The following EYA1 variants were observed in gnomAD, a reference collection of about 807,000 sequenced individuals.
EYA1 encodes the protein EYA transcriptional coactivator and phosphatase 1.
EYA1 carries 16 observed loss-of-function variants against 82.0 expected under a neutral mutation model. The ratio of observed to expected loss-of-function variants is 0.20; its 90% CI spans 0.13 to 0.30. EYA1 has a LOEUF of 0.30. EYA1 is among the 10% of genes least tolerant of loss of function. EYA1 has a pLI of 1.00. For missense variants in EYA1, 633 were observed against 730.7 expected, an observed-to-expected ratio of 0.87 and a Z score of 1.54; for synonymous variants, 261 against 264.4, an observed-to-expected ratio of 0.99 and a Z score of 0.12.
At chr8:71,393,651 T>C (rs1829413148) in intron 2 of EYA1, among the ~76,000 whole-genome samples, 1 of 152,228 alleles carries the variant, frequency 6.6e-6, no homozygotes, top group Admixed American at 6.5e-5. Flanking sequence ...CTGCATAGTA[T>C]TCCATGGTGT....
chr8:71,506,583 A>G (rs997538526), intron 2 of EYA1, among the ~76,000 whole-genome samples: 1 of 152,204 alleles, frequency 6.6e-6, no homozygotes, highest in Non-Finnish European at 1.5e-5. Context: ...CTCTGAGTGT[A>G]AAAAGGGTTT....
intron 2 of EYA1, among the ~76,000 whole-genome samples, chr8:71,507,836 G>C (rs1411639471): frequency 6.6e-6 from 1 of 152,214 alleles, no homozygotes; most frequent in Non-Finnish European, 1.5e-5. Flanking sequence ...AGTAAGAAAA[G>C]AGGATTCTGA....
intron 2 of EYA1, among the ~76,000 whole-genome samples, chr8:71,444,271 T>C (rs527762648): frequency 6.6e-6 from 1 of 152,178 alleles, no homozygotes; most frequent in Non-Finnish European, 1.5e-5. Flanking sequence ...TAAGTCAGAA[T>C]TGAATCTTAA....
At chr8:71,274,594 T>C (rs1056528504) in intron 9 of EYA1, among the ~76,000 whole-genome samples, 3 of 152,088 alleles carry the variant, frequency 2.0e-5, no homozygotes, top group Admixed American at 6.5e-5. Flanking sequence ...TGAAATATAA[T>C]GATGTAGCAA....
intron 2 of EYA1, among the ~76,000 whole-genome samples, chr8:71,484,748 G>A (rs902753923): frequency 1.3e-5 from 2 of 152,198 alleles, no homozygotes; most frequent in Non-Finnish European, 2.9e-5. Flanking sequence ...TGTACTTCCT[G>A]TCCCAGGGAG....
chr8:71,354,268 T>C (rs1405710377), intron 3 of EYA1, among the ~76,000 whole-genome samples: 3 of 152,166 alleles, frequency 2.0e-5, no homozygotes, highest in Admixed American at 2.0e-4. Context: ...CAATACTTTT[T>C]AAAAATTATT....
chr8:71,489,647 G>C (rs1232783564), intron 2 of EYA1, among the ~76,000 whole-genome samples: 1 of 152,182 alleles, frequency 6.6e-6, no homozygotes, highest in African/African-American at 2.4e-5. Flanking sequence ...TGTGCAATTA[G>C]AGCTAATAGC....
chr8:71,521,035 T>G (rs1813358915), intron 2 of EYA1, among the ~76,000 whole-genome samples: 1 of 152,132 alleles, frequency 6.6e-6, no homozygotes, highest in Non-Finnish European at 1.5e-5. Flanking sequence ...GGTTAACTAT[T>G]GTTCCAATCC....
At chr8:71,295,213 C>A (rs1187430369) in intron 9 of EYA1, among the ~76,000 whole-genome samples, 1 of 152,018 alleles carries the variant, frequency 6.6e-6, no homozygotes, top group Non-Finnish European at 1.5e-5. Flanking sequence ...AAGGCATGAT[C>A]CATGAGGGAA....
At chr8:71,503,898 C>T (rs1207928770) in intron 2 of EYA1, among the ~76,000 whole-genome samples, 1 of 152,136 alleles carries the variant, frequency 6.6e-6, no homozygotes, top group Non-Finnish European at 1.5e-5. Context: ...TACTCTTTGG[C>T]AGTTCCACTG....
intron 2 of EYA1, among the ~76,000 whole-genome samples, chr8:71,391,431 T>G (rs967865975): frequency 6.6e-6 from 1 of 152,222 alleles, no homozygotes; most frequent in Admixed American, 6.5e-5. Context: ...AAGATCTCTG[T>G]TATGTCAGGG....
chr8:71,394,108 C>T (rs1453523775), intron 2 of EYA1, among the ~76,000 whole-genome samples: 1 of 152,122 alleles, frequency 6.6e-6, no homozygotes, highest in Non-Finnish European at 1.5e-5. Flanking sequence ...GTGTCTGTTC[C>T]TATCCTTCAC....
chr8:71,311,317 A>T (rs564504564), intron 7 of EYA1, among the ~76,000 whole-genome samples: 2 of 152,364 alleles, frequency 1.3e-5, no homozygotes, highest in African/African-American at 4.8e-5. Flanking sequence ...TGTGAAAGCA[A>T]TCAGAGGCCG....
chr8:71,381,851 T>C (rs1828722740), intron 2 of EYA1, among the ~76,000 whole-genome samples: 1 of 152,184 alleles, frequency 6.6e-6, no homozygotes, highest in African/African-American at 2.4e-5. Context: ...CATTTGGGGA[T>C]TTATTGGTAT....
At chr8:71,540,910 T>G (rs1341925837) in intron 1 of EYA1, among the ~76,000 whole-genome samples, 1 of 152,150 alleles carries the variant, frequency 6.6e-6, no homozygotes, top group Non-Finnish European at 1.5e-5. Context: ...CCCAGAAGAC[T>G]ACAACTGCAG....
chr8:71,270,555 G>C (rs1816398778), intron 10 of EYA1, among the ~76,000 whole-genome samples: 1 of 152,136 alleles, frequency 6.6e-6, no homozygotes, highest in African/African-American at 2.4e-5. Context: ...ACTCACACCA[G>C]TACATATTCA....
chr8:71,265,433 T>A (rs895469370), intron 11 of EYA1, among the ~76,000 whole-genome samples: 2 of 152,234 alleles, frequency 1.3e-5, no homozygotes, highest in African/African-American at 2.4e-5. Context: ...AGTGTTCATG[T>A]TTTGTTTTTT....
chr8:71,211,480 T>C (rs766934071), intron 16 of EYA1, among the ~76,000 whole-genome samples: 1 of 152,232 alleles, frequency 6.6e-6, no homozygotes, highest in Admixed American at 6.5e-5. Context: ...TGGAAATTGA[T>C]AGTTAAATAC....
intron 11 of EYA1, among the ~76,000 whole-genome samples, chr8:71,256,344 A>G (rs961740612): frequency 6.6e-6 from 1 of 152,224 alleles, no homozygotes; most frequent in African/African-American, 2.4e-5. Context: ...AAAATGTGGC[A>G]TATACATACA....
Sources: allele counts gnomAD v4.1 joint callset (sites outside exome capture counted in the v4.1 genomes callset), GRCh38; gene constraint gnomAD v4.1.1; transcripts MANE v1.5; gene names NCBI Gene and HGNC (gene_info 2026-07-23, HGNC 2026-07-21).